ZCWPW2: variants seen among roughly 807,000 people sequenced by gnomAD.
ZCWPW2 encodes the protein zinc finger CW-type PWWP domain protein 2.
In ZCWPW2, 45 loss-of-function variants were observed where a neutral mutation model predicts 46.6. The ratio of observed to expected loss-of-function variants is 0.96; its 90% CI spans 0.76 to 1.24. ZCWPW2 has a LOEUF of 1.24. Ranked by LOEUF, ZCWPW2 falls within the 50% of genes most tolerant of loss-of-function variation. The pLI, the probability that ZCWPW2 is intolerant of heterozygous loss-of-function variation, is 0.00. For synonymous variants in ZCWPW2, 152 were observed against 137.1 expected (o/e 1.11, Z -0.76); for missense variants, 429 against 403.9 (o/e 1.06, Z -0.53).
intron 3 of ZCWPW2, among the ~76,000 whole-genome samples, chr3:28,424,094 A>G (rs567915393): frequency 1.3e-5 from 2 of 152,132 alleles, no homozygotes; most frequent in East Asian, 1.9e-4. Flanking sequence ...ACTATTTTAC[A>G]TTGCGTTTTT....
At chr3:28,437,316 T>C (rs566164000) in intron 4 of ZCWPW2, among the ~76,000 whole-genome samples, 1 of 152,220 alleles carries the variant, frequency 6.6e-6, no homozygotes, top group African/African-American at 2.4e-5. Flanking sequence ...TCTAAATTAA[T>C]TCTTCTAAAT....
intron 9 of ZCWPW2, among the ~76,000 whole-genome samples, chr3:28,522,044 C>G (rs994056905): frequency 6.6e-6 from 1 of 152,068 alleles, no homozygotes; most frequent in Non-Finnish European, 1.5e-5. Flanking sequence ...TGTTCTCACT[C>G]ATAGGTGGGA....
intron 3 of ZCWPW2, among the ~76,000 whole-genome samples, chr3:28,434,281 A>G (rs1022149015): frequency 6.6e-6 from 1 of 152,110 alleles, no homozygotes; most frequent in African/African-American, 2.4e-5. Flanking sequence ...ATATAGAATT[A>G]TTATTTCAGT....
At chr3:28,444,652 C>T (rs910771561) in intron 4 of ZCWPW2, among the ~76,000 whole-genome samples, 1 of 152,156 alleles carries the variant, frequency 6.6e-6, no homozygotes, top group Admixed American at 6.5e-5. Context: ...TAAGAGCTTT[C>T]CACAATTTCA....
Position 28,492,901 on chromosome 3 carries a change from G to A in ZCWPW2, c.657+728G>A, listed in dbSNP as rs562333564. Among the ~76,000 whole-genome samples, 13 of 152,106 alleles carry A rather than the reference G, an allele frequency of 8.5e-5. No individual in the cohort carries two copies. In the South Asian group the frequency reaches 2.5e-3, roughly 29 times the overall value. ...TGAGATTTCCCGTGTTGAGTGGTGAGGCAGAGCAGATCAAGGGAAGGTCAA... is the reference window on the plus strand; with the variant it reads ...TGAGATTTCCCGTGTTGAGTGGTGAAGCAGAGCAGATCAAGGGAAGGTCAA... On this transcript the variant is annotated intron_variant, in intron 6 of 9. Coordinates refer to ENST00000383768, the MANE Select transcript of ZCWPW2 (RefSeq NM_001040432.4).
intron 8 of ZCWPW2, among the ~76,000 whole-genome samples, chr3:28,520,347 A>T (rs188371367): frequency 2.6e-5 from 4 of 152,294 alleles, no homozygotes; most frequent in Non-Finnish European, 4.4e-5. Flanking sequence ...ATAAAATTAG[A>T]TTAGGCAATT....
intron 4 of ZCWPW2, among the ~76,000 whole-genome samples, chr3:28,442,241 G>A (rs760586968): frequency 2.0e-5 from 3 of 152,212 alleles, no homozygotes; most frequent in Non-Finnish European, 4.4e-5. Flanking sequence ...TTGTAGGAGA[G>A]TCCAAATGCA....
intron 4 of ZCWPW2, among the ~76,000 whole-genome samples, chr3:28,440,111 A>G (rs991800586): frequency 2.0e-5 from 3 of 152,124 alleles, no homozygotes; most frequent in Non-Finnish European, 4.4e-5. Flanking sequence ...TACTAAGACA[A>G]ACTCTCATAG....
At chr3:28,495,743 T>C (rs554630579) in intron 6 of ZCWPW2, among the ~76,000 whole-genome samples, 9 of 152,164 alleles carry the variant, frequency 5.9e-5, no homozygotes, top group Admixed American at 1.3e-4. Context: ...GGATCTCAGA[T>C]AGACTGGGGA....
In ZCWPW2 at chr3:28,453,650, T is replaced by C. The variant is rs147970738; in HGVS notation, c.492+18381T>C. 2.5e-3 allele frequency among the ~76,000 whole-genome samples: 386 copies of C among 152,190 alleles called. 1 individual carries two copies. Among genetic ancestry groups the C allele is most frequent in the African/African-American group, 8.4e-3 (350 of 41,560 alleles). On this transcript the variant is annotated intron_variant, in intron 4 of 9. Transcript: ENST00000383768. ...TGCCCTGAGAGTCATTTCCCTTATA[T>C]GTAAAGTTGCCTTATAATGAGATTT...
At chr3:28,482,686 G>T (rs1342809503) in intron 5 of ZCWPW2, among the ~76,000 whole-genome samples, 1 of 152,098 alleles carries the variant, frequency 6.6e-6, no homozygotes, top group South Asian at 2.1e-4. Flanking sequence ...TTGGGTTTTG[G>T]CCACTCTAGT....
At chr3:28,370,288 C>T (rs1387616357) in intron 1 of ZCWPW2, among the ~76,000 whole-genome samples, 1 of 152,310 alleles carries the variant, frequency 6.6e-6, no homozygotes. Flanking sequence ...CCTATTTGGC[C>T]ATCTTTGCTT....
At chr3:28,478,539 G>A (rs1419707083) in intron 4 of ZCWPW2, among the ~76,000 whole-genome samples, 1 of 152,080 alleles carries the variant, frequency 6.6e-6, no homozygotes, top group East Asian at 1.9e-4. Context: ...TTGTGACGCT[G>A]AGGGCCTTTT....
Position 28,450,570 on chromosome 3 carries a change from G to GT in ZCWPW2, c.492+15308dup, listed in dbSNP as rs1209041080. On this transcript the variant is annotated intron_variant, in intron 4 of 9. Transcript: ENST00000383768. ...TAATTGCTTAGACTGCACTTTTGTA[G>GT]TTTTTTTATGTTGCCAAGAAAAAGT... is the stretch of plus-strand genomic sequence containing the variant. 2.0e-5 allele frequency among the ~76,000 whole-genome samples: 3 copies of GT among 152,082 alleles called. No individual in the cohort carries two copies. In the East Asian group the frequency reaches 5.8e-4, roughly 29 times the overall value.
At chr3:28,441,134 G>C (rs1478764205) in intron 4 of ZCWPW2, among the ~76,000 whole-genome samples, 1 of 152,182 alleles carries the variant, frequency 6.6e-6, no homozygotes, top group African/African-American at 2.4e-5. Flanking sequence ...AGGCTGAGTG[G>C]TGTCCACAGA....
chr3:28,459,302 G>T (rs985918898), intron 4 of ZCWPW2, among the ~76,000 whole-genome samples: 1 of 151,996 alleles, frequency 6.6e-6, no homozygotes, highest in African/African-American at 2.4e-5. Flanking sequence ...CCCGGGAGGC[G>T]GAGGTGGCAG....
rs764197338 is a variant in ZCWPW2 at position 28,478,843 on chromosome 3, G to A, written c.522G>A (p.Trp174Ter). The A allele has an allele frequency of 1.3e-6, 2 of 1,574,118 alleles. No individual in the cohort carries two copies. The highest frequency in any genetic ancestry group is 1.2e-5 in the South Asian group (1 of 81,914). The change falls in exon 5 of 10, where the codon TGG (tryptophan) becomes TGA (stop). Residue 174 changes from tryptophan to a stop codon, truncating the protein, a stop_gained. Transcript: ENST00000383768. LOFTEE classifies it high-confidence loss of function. ...KPEKCKNKKK[W>*]YKSALQEACL... ...AAAAGTGTAAGAATAAAAAGAAGTG[G>A]TATAAAAGTGCACTACAAGAAGCAT... is the stretch of plus-strand genomic sequence containing the variant.
At chr3:28,512,013 AAC>A (rs1468355587) in intron 6 of ZCWPW2, among the ~76,000 whole-genome samples, 1 of 152,140 alleles carries the variant, frequency 6.6e-6, no homozygotes, top group Non-Finnish European at 1.5e-5. Context: ...AGTATCAACA[AAC>A]ACACACATAT....
At chr3:28,509,913 C>T (rs1199280213) in intron 6 of ZCWPW2, among the ~76,000 whole-genome samples, 1 of 152,040 alleles carries the variant, frequency 6.6e-6, no homozygotes, top group Non-Finnish European at 1.5e-5. Context: ...TAAAGATTTG[C>T]TCCTGTGTTT....
Sources: allele counts gnomAD v4.1 joint callset (sites outside exome capture counted in the v4.1 genomes callset), GRCh38; gene constraint gnomAD v4.1.1; transcripts MANE v1.5; gene names NCBI Gene and HGNC (gene_info 2026-07-23, HGNC 2026-07-21).